NDC1: variants seen among roughly 807,000 people sequenced by gnomAD.
NDC1 encodes NDC1 transmembrane nucleoporin.
In NDC1, 24 loss-of-function variants were observed where a neutral mutation model predicts 89.8. The observed-to-expected ratio is 0.27, with a 90% confidence interval of 0.19 to 0.38. The LOEUF is 0.38. NDC1 is among the 10% of genes least tolerant of loss of function. NDC1 has a pLI of 1.00. For synonymous variants in NDC1, 296 were observed against 284.8 expected (o/e 1.04, Z -0.39); for missense variants, 728 against 797.6 (o/e 0.91, Z 1.05).
chr1:53,809,767 G>C, intron 6 of NDC1, 21 bp from the exon 7 acceptor site: 1 of 1,602,410 alleles, frequency 6.2e-7, no homozygotes, highest in South Asian at 1.1e-5. Context: ...AAAATACCAA[G>C]CTATGAACAT....
intron 5 of NDC1, among the ~76,000 whole-genome samples, chr1:53,822,655 C>A (rs1178608668): frequency 6.6e-6 from 1 of 151,564 alleles, no homozygotes; most frequent in Non-Finnish European, 1.5e-5. Context: ...AGGAAACATT[C>A]AATTTATCAA....
intron 6 of NDC1, 101 bp from the exon 7 acceptor site, chr1:53,809,847 A>C (rs1648245175): frequency 5.0e-6 from 4 of 805,112 alleles, no homozygotes; most frequent in Non-Finnish European, 8.6e-6. Context: ...CACAGACACC[A>C]AGACCTCAGT....
intron 16 of NDC1, 26 bp downstream of exon 16, chr1:53,787,132 C>T: frequency 7.6e-7 from 1 of 1,323,948 alleles, no homozygotes. Flanking sequence ...TGACCTCTAC[C>T]CCCTCCCAAC....
intron 16 of NDC1, among the ~76,000 whole-genome samples, chr1:53,784,921 G>A (rs1431107750): frequency 6.6e-5 from 10 of 151,636 alleles, no homozygotes; most frequent in Admixed American, 6.6e-5. Context: ...TCACGCCACT[G>A]CACTCCAGCC....
In NDC1 at chr1:53,765,917, A is replaced by G. The variant is rs1232508149; in HGVS notation, c.*2053T>C. On this transcript the variant is annotated 3_prime_UTR_variant, in exon 18 of 18. Transcript: ENST00000371429. ...TCCTAGTACACAGGAGGAGTTCCCC[A>G]TAATAACACCCTGGTTCCAACAGAT... 1.3e-5 allele frequency: 2 copies of G among 152,162 alleles called. No homozygotes were observed. The highest frequency in any genetic ancestry group is 4.8e-5 in the African/African-American group (2 of 41,428). 9.4% of individuals were successfully genotyped at this position (152,162 alleles called of 1,614,324 possible).
chr1:53,796,247 G>A (rs1647693413), intron 13 of NDC1, among the ~76,000 whole-genome samples: 1 of 152,116 alleles, frequency 6.6e-6, no homozygotes, highest in Admixed American at 6.6e-5. Flanking sequence ...CTGTTGAGAT[G>A]CATCTTACAG....
chr1:53,823,875 G>A (rs1044061067), intron 5 of NDC1, among the ~76,000 whole-genome samples: 4 of 152,104 alleles, frequency 2.6e-5, no homozygotes, highest in Admixed American at 2.6e-4. Context: ...TCCCTGCTGT[G>A]TGTGTATTTT....
chr1:53,812,325 G>A (rs1419170818), intron 6 of NDC1, among the ~76,000 whole-genome samples: 1 of 152,224 alleles, frequency 6.6e-6, no homozygotes, highest in East Asian at 1.9e-4. Flanking sequence ...GGAGGGACCA[G>A]AGAAAGGCGA....
intron 6 of NDC1, among the ~76,000 whole-genome samples, chr1:53,815,558 C>T (rs2100674936): frequency 6.6e-6 from 1 of 152,346 alleles, no homozygotes; most frequent in South Asian, 2.1e-4. Context: ...AGAATGCCCA[C>T]TCTCACCACT....
chr1:53,792,520 A>C (rs979057394), intron 14 of NDC1, among the ~76,000 whole-genome samples: 3 of 152,230 alleles, frequency 2.0e-5, no homozygotes, highest in African/African-American at 7.2e-5. Context: ...AACAGATGCC[A>C]ATATAAACTT....
intron 8 of NDC1, among the ~76,000 whole-genome samples, chr1:53,806,927 A>G (rs533629054): frequency 6.6e-6 from 1 of 152,216 alleles, no homozygotes; most frequent in Non-Finnish European, 1.5e-5. Flanking sequence ...TTTCTTTAAT[A>G]TAAATTTTAA....
At chr1:53,778,260 TAC>T (rs202023880) in intron 16 of NDC1, among the ~76,000 whole-genome samples, 25,267 of 144,366 alleles carry the variant, frequency 0.18, 2,414 homozygotes, top group African/African-American at 0.28. Context: ...TGTGTGTATA[TAC>T]ACACACACAC....
rs1456926611 is a variant in NDC1, at chr1:53,811,424, G to A, written c.704-1678C>T. 2.6e-5 allele frequency among the ~76,000 whole-genome samples: 4 copies of A among 152,214 alleles called. No homozygotes were observed. The East Asian group carries it at 7.7e-4, about 29-fold the overall frequency. On this transcript the variant is annotated intron_variant, in intron 6 of 17. Transcript: ENST00000371429. ...TCCACCTGGAAACAGACTCAGGGCT[G>A]TTGCAGGGCGGTGGGAGTGAGACTG... is the stretch of plus-strand genomic sequence containing the variant.
At chr1:53,833,725 A>G (rs996841207) in intron 2 of NDC1, among the ~76,000 whole-genome samples, 4 of 152,148 alleles carry the variant, frequency 2.6e-5, no homozygotes, top group African/African-American at 4.8e-5. Context: ...TTTAAAATAT[A>G]TATATATAAT....
chr1:53,778,297 T>C (rs575435147), intron 16 of NDC1, among the ~76,000 whole-genome samples: 1 of 141,380 alleles, frequency 7.1e-6, no homozygotes, highest in East Asian at 2.1e-4. Flanking sequence ...ACACACACAC[T>C]GTCACATTTT....
intron 11 of NDC1, 66 bp downstream of exon 11, chr1:53,800,627 C>T: frequency 6.4e-7 from 1 of 1,572,448 alleles, no homozygotes; most frequent in Non-Finnish European, 8.7e-7. Flanking sequence ...GCCCAGTCTA[C>T]TACAGTCATC....
chr1:53,826,687 T>C (rs1648875111), intron 4 of NDC1, among the ~76,000 whole-genome samples: 1 of 152,176 alleles, frequency 6.6e-6, no homozygotes, highest in Admixed American at 6.5e-5. Context: ...AGAATCTCTA[T>C]GATCTATGAG....
chr1:53,801,754 A>G (rs1004442593), intron 10 of NDC1, among the ~76,000 whole-genome samples: 1 of 152,106 alleles, frequency 6.6e-6, no homozygotes, highest in Non-Finnish European at 1.5e-5. Flanking sequence ...TAACCATCCA[A>G]TTAAATTTTT....
chr1:53,793,325 C>G, intron 13 of NDC1, 46 bp from the exon 14 acceptor site: 3 of 1,429,196 alleles, frequency 2.1e-6, no homozygotes, highest in Non-Finnish European at 3.0e-6. Context: ...CTTTTAAATT[C>G]TATTCAAATA....
Sources: gnomAD v4.1 joint callset for allele counts (sites outside exome capture counted in the v4.1 genomes callset) on GRCh38, gnomAD v4.1.1 for gene constraint, MANE v1.5 for transcripts, NCBI Gene and HGNC (gene_info 2026-07-23, HGNC 2026-07-21) for gene names.